ARRB1: variants seen among roughly 807,000 people sequenced by gnomAD.
ARRB1 encodes the protein arrestin beta 1.
Under a neutral mutation model 56.8 loss-of-function variants are expected in ARRB1, and 21 were observed. That is an observed-to-expected ratio of 0.37 (90% CI 0.26 to 0.53). The LOEUF (loss-of-function observed/expected upper bound fraction) is 0.53, where lower values mean the gene tolerates loss of function less well. Ranked by LOEUF, ARRB1 falls within the 20% of genes least tolerant of loss-of-function variation. The pLI, the probability that ARRB1 is intolerant of heterozygous loss-of-function variation, is 0.88. For missense variants in ARRB1, 424 were observed against 553.7 expected, an observed-to-expected ratio of 0.77 and a Z score of 2.35; for synonymous variants, 210 against 218.6, an observed-to-expected ratio of 0.96 and a Z score of 0.35.
At chr11:75,312,584 G>T (rs1472792986) in intron 1 of ARRB1, among the ~76,000 whole-genome samples, 1 of 152,208 alleles carries the variant, frequency 6.6e-6, no homozygotes, top group Non-Finnish European at 1.5e-5. Flanking sequence ...CTGTGGCTGT[G>T]TTGGGTCATG....
chr11:75,273,998 TG>T, intron 11 of ARRB1, 75 bp downstream of exon 11: 1 of 1,600,866 alleles, frequency 6.2e-7, no homozygotes, highest in South Asian at 1.1e-5. Context: ...GTCTTTGAAC[TG>T]GGGGGACCAA....
chr11:75,334,600 A>C (rs1947573810), intron 1 of ARRB1, among the ~76,000 whole-genome samples: 1 of 152,098 alleles, frequency 6.6e-6, no homozygotes, highest in Admixed American at 6.5e-5. Context: ...AGGCAGTTTC[A>C]CCTATGGTTC....
At chr11:75,324,580 C>T (rs73490799) in intron 1 of ARRB1, among the ~76,000 whole-genome samples, 301 of 152,200 alleles carry the variant, frequency 2.0e-3, no homozygotes, top group African/African-American at 7.1e-3. Flanking sequence ...TCACCGTTGC[C>T]GAGCCCTGGA....
rs1156601793 is a variant in ARRB1, at chr11:75,285,947, GC to G, written c.112+1367del. 2.0e-5 allele frequency among the ~76,000 whole-genome samples: 3 copies of G among 152,336 alleles called. No individual in the cohort carries two copies. The East Asian group carries it at 5.8e-4, about 29-fold the overall frequency. The stretch of plus-strand genomic sequence containing the variant: ...GATGCCTGCTCCCGGCCTCTGAGAG[GC>G]CACCTCAGGGAGAAGATGCCAATGG... On this transcript the variant is annotated intron_variant, in intron 3 of 15. Transcript: ENST00000420843.
intron 1 of ARRB1, among the ~76,000 whole-genome samples, chr11:75,312,484 G>A (rs1045916236): frequency 2.0e-5 from 3 of 152,234 alleles, no homozygotes; most frequent in African/African-American, 7.2e-5. Context: ...GCCTTTCATT[G>A]TCTCATGTCA....
intron 1 of ARRB1, among the ~76,000 whole-genome samples, chr11:75,337,969 T>G (rs777753371): frequency 1.3e-5 from 2 of 151,828 alleles, no homozygotes; most frequent in Non-Finnish European, 2.9e-5. Flanking sequence ...ATATAAGGAA[T>G]ATTTCACCAG....
intron 1 of ARRB1, among the ~76,000 whole-genome samples, chr11:75,305,831 A>C (rs1947015198): frequency 1.3e-5 from 2 of 152,160 alleles, no homozygotes; most frequent in Non-Finnish European, 2.9e-5. Context: ...TCTTGTCTAC[A>C]AACCCCCACA....
rs1314556850 is a variant in ARRB1, at chr11:75,263,202, G to A, written c.*2961C>T. On this transcript the variant is annotated 3_prime_UTR_variant, in exon 16 of 16. Transcript: ENST00000420843. ...AGTTTCACTTCAAGGTATCACCTGG[G>A]CAGGCTGACTCCAGAAAGGAAAGGG... is the stretch of plus-strand genomic sequence containing the variant. 6.6e-6 allele frequency among the ~76,000 whole-genome samples: 1 copy of A among 152,220 alleles called. No homozygotes were observed. The highest frequency in any genetic ancestry group is 2.4e-5 in the African/African-American group (1 of 41,468).
Position 75,284,294 on chromosome 11 carries a change from G to A in ARRB1, c.113-15C>T. ...GACCACACCATCTGGGGAAAGGACA[G>A]AGAGTAAGCGGCCTCTCCCAACCTG... On this transcript the variant is annotated splice_polypyrimidine_tract_variant and intron_variant, in intron 3 of 15. Transcript: ENST00000420843. 1 of 1,605,706 alleles carries A rather than the reference G, an allele frequency of 6.2e-7. No individual in the cohort carries two copies. The highest frequency in any genetic ancestry group is 8.5e-7 in the Non-Finnish European group (1 of 1,174,518).
At chr11:75,273,023 G>A (rs563722414) in intron 11 of ARRB1, 45 bp from the exon 12 acceptor site, 68 of 1,572,784 alleles carry the variant, frequency 4.3e-5, no homozygotes, top group South Asian at 2.2e-4. Flanking sequence ...CTTGCCAGGT[G>A]GGCGAGACAC....
intron 11 of ARRB1, 132 bp downstream of exon 11, chr11:75,273,942 T>A (rs1372112102): frequency 2.4e-5 from 34 of 1,407,570 alleles, no homozygotes; most frequent in Non-Finnish European, 3.1e-5. Context: ...GTCAAGCACC[T>A]GAGGACAGGC....
chr11:75,325,831 AGG>A (rs1446611752), intron 1 of ARRB1, among the ~76,000 whole-genome samples: 1 of 152,122 alleles, frequency 6.6e-6, no homozygotes, highest in East Asian at 1.9e-4. Context: ...TTGTGCGTAA[AGG>A]GACCTCTGAG....
chr11:75,269,918 G>A (rs1288397375), intron 13 of ARRB1, among the ~76,000 whole-genome samples: 2 of 152,326 alleles, frequency 1.3e-5, no homozygotes, highest in Admixed American at 1.3e-4. Flanking sequence ...ATCACCCTAG[G>A]AGACCACCCA....
chr11:75,262,606 G>A lies in ARRB1; in HGVS notation c.*3557C>T, dbSNP rs1945821562. On this transcript the variant is annotated 3_prime_UTR_variant, in exon 16 of 16. Transcript: ENST00000420843. ...CACATCCAGCCATTTTCAACTTACA[G>A]AGCCCTGACCGCTGACTTTCATCTC... The A allele has an allele frequency of 6.6e-6, 1 of 152,258 alleles. No homozygotes were observed. 9.4% of individuals were successfully genotyped at this position (152,258 alleles called of 1,614,324 possible).
chr11:75,310,977 G>A (rs540163912), intron 1 of ARRB1, among the ~76,000 whole-genome samples: 2 of 152,330 alleles, frequency 1.3e-5, no homozygotes, highest in South Asian at 4.1e-4. Context: ...TGCCCACATA[G>A]GGTAGGGGAG....
At chr11:75,318,153 T>C (rs991445994) in intron 1 of ARRB1, among the ~76,000 whole-genome samples, 1 of 97,398 alleles carries the variant, frequency 1.0e-5, no homozygotes, top group Admixed American at 1.3e-4. Flanking sequence ...CTAACTTTTT[T>C]TTTTTTTTTT....
chr11:75,317,055 C>T (rs1489425828), intron 1 of ARRB1, among the ~76,000 whole-genome samples: 6 of 152,108 alleles, frequency 3.9e-5, no homozygotes, highest in South Asian at 2.1e-4. Context: ...GGCAACAGAG[C>T]GAGACTCCGT....
At chr11:75,277,020 C>A (rs1177827977) in intron 9 of ARRB1, 109 bp from the exon 10 acceptor site, 16 of 1,099,058 alleles carry the variant, frequency 1.5e-5, no homozygotes, top group Middle Eastern at 2.4e-4. Flanking sequence ...TGGCCAGAGG[C>A]CACCAGTGGG....
At chr11:75,275,327 A>G (rs971605629) in intron 10 of ARRB1, among the ~76,000 whole-genome samples, 2 of 151,774 alleles carry the variant, frequency 1.3e-5, no homozygotes, top group African/African-American at 4.8e-5. Context: ...TTGTATTTTT[A>G]GTAGAGATGA....
Sources: gnomAD v4.1 joint callset for allele counts (sites outside exome capture counted in the v4.1 genomes callset) on GRCh38, gnomAD v4.1.1 for gene constraint, MANE v1.5 for transcripts, NCBI Gene and HGNC (gene_info 2026-07-23, HGNC 2026-07-21) for gene names.